TRMT44: variants seen among roughly 807,000 people sequenced by gnomAD.
TRMT44 encodes the protein tRNA methyltransferase 44 homolog, also known as probable tRNA (uracil-O(2)-)-methyltransferase.
In TRMT44, 78 loss-of-function variants were observed where a neutral mutation model predicts 77.3. That is an observed-to-expected ratio of 1.01 (90% CI 0.84 to 1.22). TRMT44 has a LOEUF of 1.22. Ranked by LOEUF, TRMT44 falls within the 50% of genes most tolerant of loss-of-function variation. The pLI is 0.00. For missense variants in TRMT44, 1,090 were observed against 964.4 expected, an observed-to-expected ratio of 1.13 and a Z score of -1.73; for synonymous variants, 391 against 383.3, an observed-to-expected ratio of 1.02 and a Z score of -0.23.
At chr4:8,494,920 C>G (rs527914526), downstream of TRMT44, among the ~76,000 whole-genome samples, 12 of 152,170 alleles carry the variant, frequency 7.9e-5, 1 homozygote, top group Admixed American at 2.6e-4. Flanking sequence ...TCTGGGAGCA[C>G]CGTCGTAGGT....
At chr4:8,474,300 T>C (rs1727218995) in intron 10 of TRMT44, among the ~76,000 whole-genome samples, 1 of 152,168 alleles carries the variant, frequency 6.6e-6, no homozygotes, top group African/African-American at 2.4e-5. Flanking sequence ...TGCCCTTCTG[T>C]GCTGCGCCAG....
downstream of TRMT44, among the ~76,000 whole-genome samples, chr4:8,481,546 T>C (rs1321995477): frequency 6.6e-6 from 1 of 152,204 alleles, no homozygotes; most frequent in Non-Finnish European, 1.5e-5. Flanking sequence ...GGGTAGCCCT[T>C]TCCTGTCCCG....
chr4:8,488,750 C>A (rs914934425), intron 2 of TRMT44, among the ~76,000 whole-genome samples: 2 of 152,212 alleles, frequency 1.3e-5, no homozygotes, highest in South Asian at 4.1e-4. Flanking sequence ...GCCCTAGATG[C>A]CATCCTTCCA....
chr4:8,469,192 T>C (rs866035132), intron 9 of TRMT44, among the ~76,000 whole-genome samples: 1 of 152,340 alleles, frequency 6.6e-6, no homozygotes, highest in Admixed American at 6.5e-5. Context: ...CCATGGAGCA[T>C]AGACGGCCCC....
downstream of TRMT44, chr4:8,478,287 G>C (rs1309520204): frequency 6.5e-6 from 1 of 152,790 alleles, no homozygotes; most frequent in African/African-American, 2.4e-5. Flanking sequence ...TCTCAAAGGA[G>C]CATCAGATGG....
intron 6 of TRMT44, among the ~76,000 whole-genome samples, chr4:8,460,726 G>A (rs981776905): frequency 1.3e-5 from 2 of 152,100 alleles, no homozygotes; most frequent in African/African-American, 4.8e-5. Context: ...CTGACTAATT[G>A]TATTTTTAGT....
chr4:8,516,634 A>T, the TRMT44 span, among the ~76,000 whole-genome samples: 4 of 152,138 alleles, frequency 2.6e-5, no homozygotes, highest in Non-Finnish European at 4.4e-5. Flanking sequence ...AAAAAAAATT[A>T]TCTGGGCTTG....
At position 8,441,200 on chromosome 4, in the gene TRMT44, C is replaced by T. The variant is rs1579023586; in HGVS notation, c.378C>T (p.His126=). 1 of 1,534,878 alleles carries T rather than the reference C, an allele frequency of 6.5e-7. No individual in the cohort carries two copies. The highest frequency in any genetic ancestry group is 1.2e-5 in the South Asian group (1 of 83,796). ...CAGTGCCCCTGAGGGACTCCGGGCA[C>T]CCCGGCCATGCTGAAGGAAGGGAGG... ...AASVPLRDSG[H]PGHAEGREGD... The change falls in exon 1 of 11, where the codon CAC becomes CAT. Residue 126 remains histidine, a synonymous_variant. Coordinates refer to ENST00000389737, the MANE Select transcript of TRMT44 (RefSeq NM_152544.3).
intron 2 of TRMT44, among the ~76,000 whole-genome samples, chr4:8,482,078 C>T (rs1727632126): frequency 6.6e-6 from 1 of 152,204 alleles, no homozygotes; most frequent in South Asian, 2.1e-4. Context: ...TTTTGCTAAA[C>T]CCTTCACTGT....
the TRMT44 span, among the ~76,000 whole-genome samples, chr4:8,512,784 C>T: frequency 6.6e-6 from 1 of 152,166 alleles, no homozygotes; most frequent in Admixed American, 6.5e-5. Flanking sequence ...TGTGGTTTGT[C>T]TGCTCATCAC....
downstream of TRMT44, among the ~76,000 whole-genome samples, chr4:8,497,928 G>T (rs1728196992): frequency 6.6e-6 from 1 of 152,186 alleles, no homozygotes; most frequent in African/African-American, 2.4e-5. Context: ...GGCGTGGGGG[G>T]GGCTGGGAAA....
the TRMT44 span, among the ~76,000 whole-genome samples, chr4:8,501,175 G>A: frequency 1.3e-5 from 2 of 152,222 alleles, no homozygotes; most frequent in African/African-American, 4.8e-5. This position sits in a 1 kb window ranked among gnomAD's most constrained non-coding sequence, Gnocchi z 4.4. Flanking sequence ...CATGTGCTGG[G>A]GATAGAGTGA....
At chr4:8,449,203 T>C (rs1041747624) in intron 2 of TRMT44, among the ~76,000 whole-genome samples, 1 of 152,152 alleles carries the variant, frequency 6.6e-6, no homozygotes, top group African/African-American at 2.4e-5. Context: ...GCAGAAGACA[T>C]GTGAAAGACA....
chr4:8,492,283 C>A (rs1728031408), intron 2 of TRMT44, among the ~76,000 whole-genome samples: 1 of 152,224 alleles, frequency 6.6e-6, no homozygotes, highest in South Asian at 2.1e-4. Flanking sequence ...CCACCCGGAA[C>A]TGGCAGTAAA....
chr4:8,479,656 T>G (rs1176814026), downstream of TRMT44: 1 of 152,138 alleles, frequency 6.6e-6, no homozygotes, highest in Non-Finnish European at 1.5e-5. Context: ...AGGCTGTGGG[T>G]GTCCGTGAGG....
downstream of TRMT44, among the ~76,000 whole-genome samples, chr4:8,480,533 C>T (rs1727582815): frequency 6.6e-6 from 1 of 152,196 alleles, no homozygotes; most frequent in East Asian, 1.9e-4. Flanking sequence ...CATACTCTGC[C>T]ATTTTGTCTC....
chr4:8,465,237 A>G, intron 7 of TRMT44, 141 bp from the exon 8 acceptor site: 1 of 795,800 alleles, frequency 1.3e-6, no homozygotes, highest in South Asian at 1.7e-5. Context: ...CATTATATGC[A>G]ACAAAAAGAA....
In TRMT44 at chr4:8,452,174, T is replaced by A; in HGVS notation, c.1023+146T>A. 2.8e-6 allele frequency: 2 copies of A among 722,566 alleles called. No individual in the cohort carries two copies. The highest frequency in any genetic ancestry group is 5.5e-5 in the East Asian group (2 of 36,306). 44.8% of individuals were successfully genotyped at this position (722,566 alleles called of 1,614,324 possible). The stretch of plus-strand genomic sequence containing the variant: ...CAAGGTTGGTTTCTCGTGTAATGGT[T>A]TGACTTCATGTGGTCCTTTTGATGC... On this transcript the variant is annotated intron_variant, in intron 4 of 10. Transcript: ENST00000389737. This position sits in a 1 kb window ranked among gnomAD's most constrained non-coding sequence, Gnocchi z 5.7.
At chr4:8,500,745 C>T in the TRMT44 span, among the ~76,000 whole-genome samples, 235 of 152,008 alleles carry the variant, frequency 1.5e-3, 1 homozygote, top group African/African-American at 5.4e-3. Context: ...ACAACTTCCA[C>T]CTCCTGGGTT....
Sources: gnomAD v4.1 joint callset for allele counts (sites outside exome capture counted in the v4.1 genomes callset) on GRCh38, gnomAD v4.1.1 for gene constraint, Gnocchi (gnomAD v3.1) non-coding constraint, MANE v1.5 for transcripts, NCBI Gene and HGNC (gene_info 2026-07-23, HGNC 2026-07-21) for gene names.